ATCAY: variants seen among roughly 807,000 people sequenced by gnomAD.
ATCAY encodes caytaxin.
In ATCAY, 22 loss-of-function variants were observed where a neutral mutation model predicts 47.7. The ratio of observed to expected loss-of-function variants is 0.46; its 90% CI spans 0.33 to 0.66. The LOEUF is 0.66. Among genes scored for constraint, ATCAY ranks in the 30% least tolerant of loss-of-function variants. The pLI, the probability that ATCAY is intolerant of heterozygous loss-of-function variation, is 0.02. For missense variants in ATCAY, 452 were observed against 515.0 expected (o/e 0.88, Z 1.18); for synonymous variants, 216 against 207.6 (o/e 1.04, Z -0.35).
Position 3,902,511 on chromosome 19 carries a change from G to A in ATCAY, c.102G>A (p.Val34=), listed in dbSNP as rs1391481719. ...LPRPLPEETG[V]ELLGSPVEDT... is the part of the protein sequence containing the mutation. ...GGCCACTCCCAGAAGAGACGGGGGT[G>A]GAACTGCTTGGCAGCCCGGTGGAAG... is the stretch of plus-strand genomic sequence containing the variant. Residue 34 remains valine (V), a synonymous_variant, in exon 3 of 13, where the codon GTG becomes GTA. Transcript: ENST00000450849. The A allele has an allele frequency of 6.3e-7, 1 of 1,580,244 alleles. No individual in the cohort carries two copies. Among genetic ancestry groups the A allele is most frequent in the Non-Finnish European group, 8.6e-7 (1 of 1,163,108 alleles).
At chr19:3,914,043 T>C (rs1410454748) in intron 9 of ATCAY, among the ~76,000 whole-genome samples, 187 bp downstream of exon 9, 1 of 151,628 alleles carries the variant, frequency 6.6e-6, no homozygotes, top group Non-Finnish European at 1.5e-5. Flanking sequence ...GAGACCATCC[T>C]GGCTAACATG....
Position 3,887,515 on chromosome 19 carries a change from G to C in ATCAY, c.77+1671G>C, listed in dbSNP as rs551321357. On this transcript the variant is annotated intron_variant, in intron 2 of 12. Transcript: ENST00000450849. Reference sequence around the variant, plus strand: ...TATTTATTTATTTTTGAGACAGAGTGTCGCTTTGTCGCCCAGGCTGGAGTG... The same window carrying C: ...TATTTATTTATTTTTGAGACAGAGTCTCGCTTTGTCGCCCAGGCTGGAGTG... Among the ~76,000 whole-genome samples the C allele has an allele frequency of 7.3e-5, 11 of 150,794 alleles. No individual in the cohort carries two copies. The East Asian group carries it at 2.0e-3, about 27-fold the overall frequency.
chr19:3,888,224 C>T (rs922736918), intron 2 of ATCAY, among the ~76,000 whole-genome samples: 1 of 152,198 alleles, frequency 6.6e-6, no homozygotes, highest in East Asian at 1.9e-4. Context: ...CCTTTCAGAA[C>T]CAGGAATTCA....
chr19:3,907,669 T>C lies in ATCAY; in HGVS notation c.359-65T>C. ...GGAGGTGGGAGAGGGGAAGGAAGGC[T>C]GAGCAGGAGGGCAGGAGATATCCGG... On this transcript the variant is annotated intron_variant, in intron 4 of 12. Transcript: ENST00000450849. This position sits in a 1 kb window ranked among gnomAD's most constrained non-coding sequence, Gnocchi z 5.1. 8 of 1,584,238 alleles carry C rather than the reference T, an allele frequency of 5.0e-6. No homozygotes were observed. The highest frequency in any genetic ancestry group is 2.3e-5 in the East Asian group (1 of 44,360).
chr19:3,924,320 G>T (rs747834942), intron 12 of ATCAY, among the ~76,000 whole-genome samples: 2 of 152,090 alleles, frequency 1.3e-5, no homozygotes, highest in Non-Finnish European at 2.9e-5. Flanking sequence ...TAGTTGGGGG[G>T]TGGGTTGAAG....
At chr19:3,887,106 C>T (rs1322042361) in intron 2 of ATCAY, among the ~76,000 whole-genome samples, 1 of 151,986 alleles carries the variant, frequency 6.6e-6, no homozygotes, top group African/African-American at 2.4e-5. Context: ...TAGTGCCTGG[C>T]ATACAGTCGG....
At chr19:3,920,741 C>A in intron 11 of ATCAY, 25 bp from the exon 12 acceptor site, 1 of 1,568,250 alleles carries the variant, frequency 6.4e-7, no homozygotes, top group Non-Finnish European at 8.7e-7. Flanking sequence ...GCAAATAACG[C>A]CCAGTCTCCG....
At chr19:3,881,872 C>CCG (rs1555765200) in intron 1 of ATCAY, among the ~76,000 whole-genome samples, 2 of 144,558 alleles carry the variant, frequency 1.4e-5, no homozygotes, top group East Asian at 2.1e-4. Flanking sequence ...CACCGCCCCC[C>CCG]CCCCGACCCC....
chr19:3,897,885 G>A (rs1568446527), intron 2 of ATCAY, among the ~76,000 whole-genome samples: 1 of 151,980 alleles, frequency 6.6e-6, no homozygotes, highest in African/African-American at 2.4e-5. Flanking sequence ...TCCAGCCTGG[G>A]CAAAAGAGTG....
chr19:3,882,468 G>T (rs1871147556), intron 1 of ATCAY, among the ~76,000 whole-genome samples: 1 of 148,266 alleles, frequency 6.7e-6, no homozygotes, highest in Admixed American at 6.8e-5. Flanking sequence ...CAGGCACCAG[G>T]CACCCATCAC....
chr19:3,882,770 A>T (rs1324439439), intron 1 of ATCAY, among the ~76,000 whole-genome samples: 1 of 151,714 alleles, frequency 6.6e-6, no homozygotes, highest in Non-Finnish European at 1.5e-5. Context: ...CAGCCTCCTG[A>T]ACAGCTGTGA....
At chr19:3,903,437 G>A (rs897022378) in intron 3 of ATCAY, among the ~76,000 whole-genome samples, 1 of 152,140 alleles carries the variant, frequency 6.6e-6, no homozygotes, top group Non-Finnish European at 1.5e-5. Flanking sequence ...GCACCGTGGG[G>A]AGAGGTGGGG....
intron 12 of ATCAY, among the ~76,000 whole-genome samples, chr19:3,921,413 G>A (rs763232023): frequency 2.0e-5 from 3 of 151,172 alleles, no homozygotes; most frequent in African/African-American, 4.9e-5. Context: ...CTGGGCAATA[G>A]GGCTAGACTT....
intron 1 of ATCAY, among the ~76,000 whole-genome samples, chr19:3,884,638 G>C (rs1388792209): frequency 1.3e-5 from 2 of 152,148 alleles, no homozygotes; most frequent in Non-Finnish European, 2.9e-5. Flanking sequence ...GCTCACCCTG[G>C]AGAAGGTAGA....
At position 3,917,609 on chromosome 19, in the gene ATCAY, A is replaced by AGGG. The variant is rs2038977342; in HGVS notation, c.966-133_966-132insGGG. On this transcript the variant is annotated intron_variant, in intron 9 of 12. Coordinates refer to ENST00000450849, the MANE Select transcript of ATCAY (RefSeq NM_033064.5). ...CAAAAAAAAAAAAAAAAAAAAAAAA[A>AGGG]AGGAAGAAGAAGAAGAAGAAAAGAA... The AGGG allele has an allele frequency of 5.4e-6, 4 of 741,802 alleles. No homozygotes were observed. The African/African-American group carries it at 7.4e-5, about 14-fold the overall frequency. 46.0% of individuals were successfully genotyped at this position (741,802 alleles called of 1,614,324 possible). A position where few individuals can be genotyped will look rare whatever the true frequency, so the allele number is the denominator to read the frequency against.
chr19:3,908,207 C>T (rs1031386842), intron 5 of ATCAY, 61 bp from the exon 6 acceptor site: 19 of 1,429,438 alleles, frequency 1.3e-5, no homozygotes, highest in East Asian at 7.4e-5. Context: ...GGGTGGTGCG[C>T]GGGAGGCAGC....
chr19:3,923,410 G>C (rs2039036721), intron 12 of ATCAY, among the ~76,000 whole-genome samples: 1 of 152,208 alleles, frequency 6.6e-6, no homozygotes, highest in Non-Finnish European at 1.5e-5. Context: ...AGCAATAGAT[G>C]AATGGATGAA....
intron 9 of ATCAY, among the ~76,000 whole-genome samples, chr19:3,915,266 G>T (rs1388976760): frequency 6.6e-6 from 1 of 151,682 alleles, no homozygotes. Context: ...TCCGCCTCCC[G>T]GGTTCAAGCG....
intron 10 of ATCAY, 52 bp downstream of exon 10, chr19:3,917,829 A>G (rs914555853): frequency 6.2e-5 from 99 of 1,591,086 alleles, no homozygotes; most frequent in Non-Finnish European, 8.0e-5. Flanking sequence ...CGGGGGGCTG[A>G]GCTGAACTCT....
Sources: gnomAD v4.1 joint callset for allele counts (sites outside exome capture counted in the v4.1 genomes callset) on GRCh38, gnomAD v4.1.1 for gene constraint, Gnocchi (gnomAD v3.1) non-coding constraint, MANE v1.5 for transcripts, NCBI Gene and HGNC (gene_info 2026-07-23, HGNC 2026-07-21) for gene names.